The following MEF2C variants were observed in gnomAD, a reference collection of about 807,000 sequenced individuals.
MEF2C encodes the protein myocyte enhancer factor 2C.
Under a neutral mutation model 50.5 loss-of-function variants are expected in MEF2C, and 6 were observed. The observed-to-expected ratio is 0.12, with a 90% CI of 0.07 to 0.23. The LOEUF is 0.23. Among genes scored for constraint, MEF2C ranks in the 10% least tolerant of loss-of-function variants. MEF2C has a pLI of 1.00. For missense variants in MEF2C, 276 were observed against 605.0 expected (o/e 0.46, Z 5.70); for synonymous variants, 183 against 228.0 (o/e 0.80, Z 1.78).
chr5:88,730,540 G>A (rs1200555164), intron 7 of MEF2C, among the ~76,000 whole-genome samples: 2 of 152,142 alleles, frequency 1.3e-5, no homozygotes, highest in African/African-American at 2.4e-5. Flanking sequence ...CTTGCTGGAG[G>A]AAGGGGAGCT....
intron 1 of MEF2C, among the ~76,000 whole-genome samples, chr5:88,856,653 A>C (rs1823497652): frequency 6.6e-6 from 1 of 152,184 alleles, no homozygotes; most frequent in Non-Finnish European, 1.5e-5. Context: ...GCTGTGGCTA[A>C]AACAGCCTGA....
At chr5:88,870,545 A>C (rs1829191333) in intron 1 of MEF2C, among the ~76,000 whole-genome samples, 1 of 152,208 alleles carries the variant, frequency 6.6e-6, no homozygotes, top group Middle Eastern at 3.4e-3. Context: ...AAAATGGAGA[A>C]AAAAAGACCT....
Position 88,751,917 on chromosome 5 carries a change from G to A in MEF2C, c.529C>T (p.Leu177=). Residue 177 remains leucine (L), a synonymous_variant, in exon 5 of 11, where the codon CTG becomes TTG. Coordinates refer to ENST00000504921, the MANE Select transcript of MEF2C (RefSeq NM_002397.5). ...CCAGGAGACATACTATTCCTCTGCA[G>A]AGAAGGGTGAGCCAGTGGCAATAGG... ...PNLLPLAHPS[L]QRNSMSPGVT... is the part of the protein sequence containing the mutation. 6.2e-7 allele frequency: 1 copy of A among 1,614,034 alleles called. No individual in the cohort carries two copies. Among genetic ancestry groups the A allele is most frequent in the African/African-American group, 1.3e-5 (1 of 75,070 alleles).
At chr5:88,773,005 G>T in intron 3 of MEF2C, 2 of 746,552 alleles carry the variant, frequency 2.7e-6, no homozygotes, top group Non-Finnish European at 1.6e-6. Flanking sequence ...AGAGAAAAGT[G>T]AAGTATCAGG....
chr5:88,857,643 C>A (rs1286918890), intron 1 of MEF2C, among the ~76,000 whole-genome samples: 1 of 152,144 alleles, frequency 6.6e-6, no homozygotes, highest in Non-Finnish European at 1.5e-5. Context: ...CCGTACTGTT[C>A]TCCTGATAGT....
chr5:88,795,026 T>C (rs1437501804), intron 3 of MEF2C, among the ~76,000 whole-genome samples: 1 of 152,254 alleles, frequency 6.6e-6, no homozygotes, highest in Non-Finnish European at 1.5e-5. Context: ...ACCAGTATTA[T>C]GCTGTTTTGG....
intron 1 of MEF2C, among the ~76,000 whole-genome samples, chr5:88,830,310 G>A (rs1177740101): frequency 6.6e-6 from 1 of 151,942 alleles, no homozygotes; most frequent in East Asian, 1.9e-4. Flanking sequence ...AAAAAGAGAT[G>A]AAATGTATGT....
intron 3 of MEF2C, among the ~76,000 whole-genome samples, chr5:88,774,023 C>A (rs1490901808): frequency 2.0e-5 from 3 of 152,226 alleles, no homozygotes; most frequent in African/African-American, 7.2e-5. Context: ...AGCCAGCAGA[C>A]AGACATCCTG....
chr5:88,893,548 T>C (rs1834817817), intron 1 of MEF2C, among the ~76,000 whole-genome samples: 2 of 152,014 alleles, frequency 1.3e-5, no homozygotes, highest in African/African-American at 4.8e-5. Context: ...TTTAAATGAC[T>C]ATGTTCTACT....
chr5:88,857,583 T>G (rs1209580821), intron 1 of MEF2C, among the ~76,000 whole-genome samples: 3 of 152,150 alleles, frequency 2.0e-5, no homozygotes, highest in Non-Finnish European at 4.4e-5. Context: ...AATCCCCACT[T>G]GTAATGGGAG....
intron 6 of MEF2C, chr5:88,740,946 T>C (rs1282509436): frequency 2.0e-6 from 2 of 985,318 alleles, no homozygotes; most frequent in Non-Finnish European, 2.4e-6. Context: ...TGAGACAGTA[T>C]AAATTAGAGA....
At chr5:88,873,547 G>A (rs574460637) in intron 1 of MEF2C, among the ~76,000 whole-genome samples, 6 of 151,900 alleles carry the variant, frequency 3.9e-5, no homozygotes, top group East Asian at 3.9e-4. Flanking sequence ...TGAGAGAAGC[G>A]GAGGGAAAAA....
chr5:88,764,627 G>A (rs1304336640), intron 3 of MEF2C, among the ~76,000 whole-genome samples: 2 of 151,970 alleles, frequency 1.3e-5, no homozygotes, highest in African/African-American at 2.4e-5. Flanking sequence ...GGCCAGCATG[G>A]TGAAACCTGT....
At chr5:88,799,900 A>G (rs1797631722) in intron 3 of MEF2C, among the ~76,000 whole-genome samples, 1 of 94,172 alleles carries the variant, frequency 1.1e-5, no homozygotes, top group Admixed American at 9.4e-5. Flanking sequence ...ACACACACAC[A>G]CACACACACA....
chr5:88,861,048 G>GA, intron 1 of MEF2C, among the ~76,000 whole-genome samples: 2 of 151,864 alleles, frequency 1.3e-5, no homozygotes, highest in Admixed American at 6.6e-5. Flanking sequence ...TCTCACAGAT[G>GA]AAAAAAAGCA....
intron 2 of MEF2C, among the ~76,000 whole-genome samples, chr5:88,820,075 TTA>T (rs10554644): frequency 0.42 from 62,769 of 150,250 alleles, 15,178 homozygotes; most frequent in African/African-American, 0.67. Context: ...TTATTTGTAA[TTA>T]TATATATATA....
At chr5:88,799,408 T>C (rs1413383583) in intron 3 of MEF2C, among the ~76,000 whole-genome samples, 2 of 152,228 alleles carry the variant, frequency 1.3e-5, no homozygotes, top group Non-Finnish European at 2.9e-5. Context: ...TTTATAAGTA[T>C]AAAATTAGAA....
At chr5:88,738,120 C>T in intron 6 of MEF2C, 1 of 985,270 alleles carries the variant, frequency 1.0e-6, no homozygotes, top group Non-Finnish European at 1.2e-6. Context: ...CTAGGTTCTA[C>T]TCAAAATGTT....
intron 6 of MEF2C, chr5:88,733,292 T>C: frequency 2.0e-6 from 2 of 985,276 alleles, no homozygotes; most frequent in Non-Finnish European, 2.4e-6. Context: ...GAGAGGAACC[T>C]GTTTAGAAGG....
Sources: gnomAD v4.1 joint callset for allele counts (sites outside exome capture counted in the v4.1 genomes callset) on GRCh38, gnomAD v4.1.1 for gene constraint, MANE v1.5 for transcripts, NCBI Gene and HGNC (gene_info 2026-07-23, HGNC 2026-07-21) for gene names.